FSHR: variants seen among roughly 807,000 people sequenced by gnomAD.
The protein encoded by FSHR is follicle-stimulating hormone receptor.
In FSHR, 46 loss-of-function variants were observed where a neutral mutation model predicts 52.1. The ratio of observed to expected loss-of-function variants is 0.88; its 90% CI spans 0.70 to 1.13. The LOEUF (loss-of-function observed/expected upper bound fraction) is 1.13, where lower values mean the gene tolerates loss of function less well. Among genes scored for constraint, FSHR ranks in the 50% most tolerant of loss-of-function variants. FSHR has a pLI of 0.00. For synonymous variants in FSHR, 399 were observed against 309.6 expected, an observed-to-expected ratio of 1.29 and a Z score of -3.03; for missense variants, 964 against 834.6, an observed-to-expected ratio of 1.16 and a Z score of -1.91.
intron 1 of FSHR, among the ~76,000 whole-genome samples, chr2:49,081,133 G>A (rs560025164): frequency 6.6e-6 from 1 of 151,906 alleles, no homozygotes; most frequent in African/African-American, 2.4e-5. Context: ...TTTCTCTTGG[G>A]TTCTGTGAGT....
chr2:49,005,039 T>A (rs1382487710), intron 4 of FSHR, among the ~76,000 whole-genome samples: 5 of 151,984 alleles, frequency 3.3e-5, no homozygotes, highest in South Asian at 2.1e-4. Context: ...CATTACCTTT[T>A]TCAGGTTCCT....
rs972154389 is a variant in FSHR at position 48,989,201 on chromosome 2, A to C, written c.447-147T>G. Reference sequence around the variant, plus strand: ...GTTGTTTAGAAGATGATCAGCTCAAAGTTTGGAGAAAAAATTGTCTCTAAT... The same window carrying C: ...GTTGTTTAGAAGATGATCAGCTCAACGTTTGGAGAAAAAATTGTCTCTAAT... On this transcript the variant is annotated intron_variant, in intron 5 of 9. Coordinates refer to ENST00000406846, the MANE Select transcript of FSHR (RefSeq NM_000145.4). 97 of 647,572 alleles carry C rather than the reference A, an allele frequency of 1.5e-4. 1 individual carries two copies. Among genetic ancestry groups the C allele is most frequent in the Non-Finnish European group, 8.3e-5 (30 of 362,586 alleles). 40.1% of individuals were successfully genotyped at this position (647,572 alleles called of 1,614,324 possible).
chr2:48,989,000 C>G lies in FSHR; in HGVS notation c.501G>C (p.Gly167=). The change falls in exon 6 of 10, where the codon GGG becomes GGC. Residue 167 remains glycine, a synonymous_variant. Transcript: ENST00000406846. ...ACAGAATCACACTTTCAAAGCTCAG[C>G]CCCACGAAAGAATTTCTTTCAATTG... ...IHTIERNSFV[G]LSFESVILWL... is the part of the protein sequence containing the mutation. The G allele has an allele frequency of 6.2e-7, 1 of 1,613,896 alleles. No individual in the cohort carries two copies. The highest frequency in any genetic ancestry group is 8.5e-7 in the Non-Finnish European group (1 of 1,179,870).
chr2:49,143,786 G>A (rs1161574522), intron 1 of FSHR, among the ~76,000 whole-genome samples: 2 of 152,126 alleles, frequency 1.3e-5, no homozygotes, highest in Non-Finnish European at 2.9e-5. Flanking sequence ...GCACATTAAA[G>A]TTTGAGAAGT....
intron 1 of FSHR, among the ~76,000 whole-genome samples, chr2:49,109,912 G>C (rs1031534173): frequency 6.6e-6 from 1 of 152,116 alleles, no homozygotes; most frequent in Non-Finnish European, 1.5e-5. Flanking sequence ...GATGGGACTA[G>C]AGATAAAGAG....
chr2:49,127,119 G>C (rs1378592547), intron 1 of FSHR, among the ~76,000 whole-genome samples: 1 of 152,184 alleles, frequency 6.6e-6, no homozygotes, highest in African/African-American at 2.4e-5. Context: ...CCTGAGGTCA[G>C]GAGTTTGAGA....
intron 2 of FSHR, among the ~76,000 whole-genome samples, chr2:49,056,885 TG>T (rs1669086030): frequency 6.6e-6 from 1 of 152,034 alleles, no homozygotes; most frequent in Non-Finnish European, 1.5e-5. Context: ...ATACACTACA[TG>T]GAAATTAAAC....
At chr2:49,125,668 G>T (rs1044338725) in intron 1 of FSHR, among the ~76,000 whole-genome samples, 2 of 152,166 alleles carry the variant, frequency 1.3e-5, no homozygotes, top group Admixed American at 1.3e-4. Flanking sequence ...CTTGCCTTAG[G>T]AAATAACATC....
At chr2:49,030,427 G>T (rs992741251) in intron 2 of FSHR, among the ~76,000 whole-genome samples, 1 of 151,972 alleles carries the variant, frequency 6.6e-6, no homozygotes, top group Non-Finnish European at 1.5e-5. Context: ...GTAACAAATG[G>T]CTTCCCCAAA....
At chr2:49,070,902 C>T (rs6729758) in intron 1 of FSHR, among the ~76,000 whole-genome samples, 2,354 of 152,068 alleles carry the variant, frequency 0.015, 34 homozygotes, top group Non-Finnish European at 0.02. Context: ...TGAGAAATCC[C>T]CAGGGGCTCA....
chr2:49,101,133 G>A (rs1405426395), intron 1 of FSHR, among the ~76,000 whole-genome samples: 1 of 152,134 alleles, frequency 6.6e-6, no homozygotes, highest in Non-Finnish European at 1.5e-5. Flanking sequence ...CTGTATTGAG[G>A]AAAGATGTGG....
At chr2:49,069,707 G>A (rs1010930639) in intron 1 of FSHR, among the ~76,000 whole-genome samples, 33 of 152,144 alleles carry the variant, frequency 2.2e-4, no homozygotes, top group Admixed American at 1.9e-3. Context: ...TGAGGTTGAA[G>A]TTACAAGTGA....
chr2:49,003,000 T>G (rs1666959511), intron 4 of FSHR, among the ~76,000 whole-genome samples: 1 of 152,142 alleles, frequency 6.6e-6, no homozygotes, highest in African/African-American at 2.4e-5. Context: ...CATGCCAGGC[T>G]TTCTCTTCTT....
intron 3 of FSHR, among the ~76,000 whole-genome samples, chr2:49,019,822 A>C (rs1462761097): frequency 6.6e-6 from 1 of 152,214 alleles, no homozygotes; most frequent in Non-Finnish European, 1.5e-5. Context: ...AGGTGCTTGC[A>C]CATAGTCACT....
At chr2:49,010,305 G>T (rs1301319801) in intron 4 of FSHR, among the ~76,000 whole-genome samples, 3 of 143,642 alleles carry the variant, frequency 2.1e-5, no homozygotes. Flanking sequence ...TTTGTCTTTG[G>T]CTCTGTTTAT....
intron 4 of FSHR, among the ~76,000 whole-genome samples, chr2:49,009,266 C>A (rs1378730240): frequency 2.0e-5 from 3 of 150,208 alleles, no homozygotes; most frequent in Non-Finnish European, 4.5e-5. Context: ...TTTCCCAGCA[C>A]CATTTATTAA....
At chr2:49,041,329 C>A (rs1436538809) in intron 2 of FSHR, among the ~76,000 whole-genome samples, 10 of 152,142 alleles carry the variant, frequency 6.6e-5, no homozygotes, top group Non-Finnish European at 1.2e-4. Flanking sequence ...CTACAATGAA[C>A]ACGCCTTTGC....
chr2:49,133,655 C>T (rs565273653), intron 1 of FSHR, among the ~76,000 whole-genome samples: 1 of 152,280 alleles, frequency 6.6e-6, no homozygotes, highest in East Asian at 1.9e-4. Flanking sequence ...ATCACACTAC[C>T]TGACTTCAAA....
intron 2 of FSHR, among the ~76,000 whole-genome samples, chr2:49,027,129 C>G (rs1373687662): frequency 6.6e-6 from 1 of 152,216 alleles, no homozygotes; most frequent in Non-Finnish European, 1.5e-5. Flanking sequence ...CTGCTGCCAT[C>G]TCCAACTTCT....
Sources: gnomAD v4.1 joint callset for allele counts (sites outside exome capture counted in the v4.1 genomes callset) on GRCh38, gnomAD v4.1.1 for gene constraint, MANE v1.5 for transcripts, NCBI Gene and HGNC (gene_info 2026-07-23, HGNC 2026-07-21) for gene names.